The following MAGI2 variants were observed in gnomAD, a reference collection of about 807,000 sequenced individuals.
MAGI2 encodes membrane-associated guanylate kinase, WW and PDZ domain-containing protein 2.
MAGI2 carries 35 observed loss-of-function variants against 133.3 expected under a neutral mutation model. That is an observed-to-expected ratio of 0.26 (90% confidence interval 0.20 to 0.35). The LOEUF is 0.35. MAGI2 is among the 10% of genes least tolerant of loss of function. The pLI is 1.00. For synonymous variants in MAGI2, 729 were observed against 710.6 expected (o/e 1.03, Z -0.41); for missense variants, 1,636 against 1,863.4 (o/e 0.88, Z 2.25).
At chr7:78,920,918 G>A (rs943779231) in intron 2 of MAGI2, among the ~76,000 whole-genome samples, 1 of 152,102 alleles carries the variant, frequency 6.6e-6, no homozygotes, top group Non-Finnish European at 1.5e-5. Flanking sequence ...TTAATTCCTT[G>A]AGGGTTTCTA....
intron 6 of MAGI2, among the ~76,000 whole-genome samples, chr7:78,458,785 C>T (rs1184599244): frequency 6.6e-6 from 1 of 152,100 alleles, no homozygotes; most frequent in African/African-American, 2.4e-5. Flanking sequence ...CAGGCGCCCA[C>T]CACCACGCCT....
intron 6 of MAGI2, among the ~76,000 whole-genome samples, chr7:78,410,115 T>C (rs1170243216): frequency 6.6e-6 from 1 of 151,914 alleles, no homozygotes; most frequent in African/African-American, 2.4e-5. Context: ...CCATGGGTGC[T>C]TCCACTTTGT....
At chr7:78,456,003 G>A (rs1239817144) in intron 6 of MAGI2, among the ~76,000 whole-genome samples, 1 of 151,530 alleles carries the variant, frequency 6.6e-6, no homozygotes, top group Non-Finnish European at 1.5e-5. Context: ...AGCTCTCAGG[G>A]CCATCTTTGT....
At chr7:78,558,096 A>G (rs2150728589) in intron 3 of MAGI2, among the ~76,000 whole-genome samples, 1 of 152,294 alleles carries the variant, frequency 6.6e-6, no homozygotes, top group African/African-American at 2.4e-5. Flanking sequence ...TGTGTGATAA[A>G]TCCTTAATAT....
At chr7:78,743,798 A>AC (rs1822655599) in intron 2 of MAGI2, among the ~76,000 whole-genome samples, 1 of 152,154 alleles carries the variant, frequency 6.6e-6, no homozygotes, top group Non-Finnish European at 1.5e-5. Context: ...CTGTTTTTCC[A>AC]TTTTTAATCT....
intron 7 of MAGI2, among the ~76,000 whole-genome samples, chr7:78,364,060 G>A (rs1033829557): frequency 1.3e-5 from 2 of 150,250 alleles, no homozygotes; most frequent in Non-Finnish European, 2.9e-5. Flanking sequence ...TCTATAATCT[G>A]CCTACTCAAG....
chr7:78,285,082 C>A (rs1230529794), intron 9 of MAGI2, among the ~76,000 whole-genome samples: 2 of 152,102 alleles, frequency 1.3e-5, no homozygotes, highest in African/African-American at 4.8e-5. Flanking sequence ...TAGGAGACAG[C>A]TTTTATGAGC....
At chr7:79,357,108 T>C (rs1842072263) in intron 1 of MAGI2, among the ~76,000 whole-genome samples, 1 of 152,200 alleles carries the variant, frequency 6.6e-6, no homozygotes, top group Admixed American at 6.5e-5. Context: ...AATCTGACAG[T>C]CAGGCTTGTT....
At chr7:79,436,224 CAA>C (rs34732039) in intron 1 of MAGI2, among the ~76,000 whole-genome samples, 7 of 92,472 alleles carry the variant, frequency 7.6e-5, no homozygotes, top group Non-Finnish European at 7.0e-5. Context: ...GACTTCACCT[CAA>C]AAAAAAAAAA....
chr7:78,809,506 G>T (rs954683183), intron 2 of MAGI2, among the ~76,000 whole-genome samples: 2 of 152,194 alleles, frequency 1.3e-5, no homozygotes, highest in Non-Finnish European at 2.9e-5. Context: ...TGGTTCTGCT[G>T]TTGGTGAGTC....
intron 10 of MAGI2, among the ~76,000 whole-genome samples, chr7:78,216,896 G>A (rs1457348137): frequency 6.6e-6 from 1 of 152,200 alleles, no homozygotes; most frequent in Non-Finnish European, 1.5e-5. Flanking sequence ...GTTGGTTCCT[G>A]CTAAGGGTTG....
intron 2 of MAGI2, among the ~76,000 whole-genome samples, chr7:78,688,007 A>G (rs1816551593): frequency 6.6e-6 from 1 of 150,468 alleles, no homozygotes; most frequent in Non-Finnish European, 1.5e-5. Context: ...AAAAAGAAAA[A>G]AGAAAAGAAA....
chr7:78,073,315 TC>T (rs143129273), intron 21 of MAGI2, among the ~76,000 whole-genome samples: 28,484 of 151,778 alleles, frequency 0.19, 3,253 homozygotes, highest in African/African-American at 0.31. Flanking sequence ...TGGCTGTTTC[TC>T]CCCCTTGGTG....
chr7:78,022,223 C>T (rs939353174), intron 21 of MAGI2, among the ~76,000 whole-genome samples: 10 of 152,170 alleles, frequency 6.6e-5, no homozygotes, highest in Admixed American at 2.6e-4. Flanking sequence ...ACCCATCTAG[C>T]GAGATACAGC....
intron 2 of MAGI2, among the ~76,000 whole-genome samples, chr7:78,639,673 C>T (rs753277519): frequency 1.3e-5 from 2 of 152,082 alleles, no homozygotes; most frequent in East Asian, 1.9e-4. Flanking sequence ...GAAATATACT[C>T]GGCTATAGCT....
At chr7:78,810,026 G>C (rs1673447075) in intron 2 of MAGI2, among the ~76,000 whole-genome samples, 1 of 152,038 alleles carries the variant, frequency 6.6e-6, no homozygotes, top group South Asian at 2.1e-4. Flanking sequence ...TAATTATGTA[G>C]GTTTTCCTAC....
At chr7:78,212,691 A>T (rs1161314820) in intron 10 of MAGI2, among the ~76,000 whole-genome samples, 1 of 152,224 alleles carries the variant, frequency 6.6e-6, no homozygotes, top group East Asian at 1.9e-4. Context: ...TATAGCTGGC[A>T]TCTTTCCTAA....
chr7:78,821,122 G>T (rs80226925), intron 2 of MAGI2, among the ~76,000 whole-genome samples: 2,575 of 152,146 alleles, frequency 0.017, 84 homozygotes, highest in African/African-American at 0.059. Context: ...TGTGTGGTAT[G>T]TAGCTCCTAG....
chr7:78,304,044 A>G lies in MAGI2; in HGVS notation c.1408+39734T>C, dbSNP rs1162251919. ...TACAGTTGTTCTGCCTTAAATTCTTACTTTCCTCCCTGAAATCTCCTTCTT... is the reference window on the plus strand; with the variant it reads ...TACAGTTGTTCTGCCTTAAATTCTTGCTTTCCTCCCTGAAATCTCCTTCTT... On this transcript the variant is annotated intron_variant, in intron 9 of 21. Transcript: ENST00000354212. Among the ~76,000 whole-genome samples the G allele has an allele frequency of 2.0e-5, 3 of 152,150 alleles. No individual in the cohort carries two copies. In the East Asian group the frequency reaches 5.8e-4, roughly 29 times the overall value.
Sources: gnomAD v4.1 joint callset for allele counts (sites outside exome capture counted in the v4.1 genomes callset) on GRCh38, gnomAD v4.1.1 for gene constraint, MANE v1.5 for transcripts, NCBI Gene and HGNC (gene_info 2026-07-23, HGNC 2026-07-21) for gene names.